The following ERO1A variants were observed in gnomAD, a reference collection of about 807,000 sequenced individuals.
ERO1A encodes endoplasmic reticulum oxidoreductase 1 alpha.
A neutral mutation model predicts 76.9 loss-of-function variants in ERO1A; 49 were observed. The ratio of observed to expected loss-of-function variants is 0.64; its 90% CI spans 0.51 to 0.81. The LOEUF (loss-of-function observed/expected upper bound fraction) is 0.81. Ranked by LOEUF, ERO1A falls within the 30% of genes least tolerant of loss-of-function variation. The pLI is 0.00. For synonymous variants in ERO1A, 174 were observed against 181.2 expected (o/e 0.96, Z 0.32); for missense variants, 448 against 542.1 (o/e 0.83, Z 1.72).
At chr14:52,683,188 G>C (rs1301583541) in intron 2 of ERO1A, among the ~76,000 whole-genome samples, 1 of 151,842 alleles carries the variant, frequency 6.6e-6, no homozygotes, top group Non-Finnish European at 1.5e-5. Flanking sequence ...CAGCCTGGGT[G>C]ACAAAGCAAG....
At chr14:52,673,829 C>CAGG (rs956518745) in intron 4 of ERO1A, among the ~76,000 whole-genome samples, 30 of 152,094 alleles carry the variant, frequency 2.0e-4, no homozygotes, top group African/African-American at 7.0e-4. Flanking sequence ...TCTCTACCTC[C>CAGG]AGGACTCAAG....
chr14:52,652,383 T>C, intron 12 of ERO1A, 75 bp from the exon 13 acceptor site: 1 of 958,284 alleles, frequency 1.0e-6, no homozygotes, highest in Non-Finnish European at 1.7e-6. Context: ...AACATTTTAC[T>C]GGTCATGATA....
Position 52,643,419 on chromosome 14 carries a change from G to GTGTT in ERO1A, c.*147_*150dup. 1 of 498,622 alleles carries GTGTT rather than the reference G, an allele frequency of 2.0e-6. No homozygotes were observed. Among genetic ancestry groups the GTGTT allele is most frequent in the South Asian group, 3.9e-5 (1 of 25,782 alleles). The allele number at this position is 498,622 out of a possible 1,614,324, so 30.9% of individuals were successfully genotyped here. A position where few individuals can be genotyped will look rare whatever the true frequency, so the allele number is the denominator to read the frequency against. On this transcript the variant is annotated 3_prime_UTR_variant, in exon 16 of 16. Coordinates refer to ENST00000395686, the MANE Select transcript of ERO1A (RefSeq NM_014584.3). ...TAGACTTAACACAATTTTTAAAAAT[G>GTGTT]TGTTTACTTAAAACAATATAATTCT...
chr14:52,676,432 G>T (rs1356477024), intron 4 of ERO1A, among the ~76,000 whole-genome samples: 1 of 152,132 alleles, frequency 6.6e-6, no homozygotes, highest in Non-Finnish European at 1.5e-5. Context: ...GTAATATTGT[G>T]GGTATGATAC....
chr14:52,686,074 T>C (rs1195485643), intron 1 of ERO1A, among the ~76,000 whole-genome samples: 1 of 152,110 alleles, frequency 6.6e-6, no homozygotes, highest in African/African-American at 2.4e-5. Context: ...TAGCCGGGCA[T>C]GGTGGCCCAT....
In ERO1A at chr14:52,661,343, T is replaced by G. The variant is rs891434759; in HGVS notation, c.677-39A>C. The G allele has an allele frequency of 6.1e-5, 86 of 1,419,742 alleles. 1 individual carries two copies. Among genetic ancestry groups the G allele is most frequent in the Non-Finnish European group, 8.1e-5 (86 of 1,067,850 alleles). The allele number at this position is 1,419,742 out of a possible 1,614,324, so 87.9% of individuals were successfully genotyped here. On this transcript the variant is annotated intron_variant, in intron 8 of 15. Transcript: ENST00000395686. ...CAAAATGTTTATTAAAATAAATTCC[T>G]TCCAGTGCCCCTTTTATAATGCTAC...
At chr14:52,664,939 C>T (rs2040358765) in intron 7 of ERO1A, among the ~76,000 whole-genome samples, 1 of 152,082 alleles carries the variant, frequency 6.6e-6, no homozygotes. Flanking sequence ...GATCCGCCCG[C>T]CTTGGCCTCC....
At chr14:52,650,304 GTATC>G (rs1002075233) in intron 13 of ERO1A, among the ~76,000 whole-genome samples, 5 of 150,624 alleles carry the variant, frequency 3.3e-5, no homozygotes, top group African/African-American at 4.9e-5. Flanking sequence ...ACCATATCTA[GTATC>G]TATCTATATC....
At chr14:52,651,981 A>G (rs1326335819) in intron 13 of ERO1A, among the ~76,000 whole-genome samples, 2 of 133,640 alleles carry the variant, frequency 1.5e-5, no homozygotes, top group African/African-American at 5.6e-5. Context: ...CCATCATTCT[A>G]CTCTCTACTT....
intron 1 of ERO1A, among the ~76,000 whole-genome samples, chr14:52,692,825 T>C (rs2041398274): frequency 6.6e-6 from 1 of 151,870 alleles, no homozygotes. Flanking sequence ...TTCTTTTCCC[T>C]CTCATGCTGT....
intron 9 of ERO1A, among the ~76,000 whole-genome samples, chr14:52,660,861 T>C (rs559139885): frequency 1.1e-4 from 16 of 152,306 alleles, no homozygotes; most frequent in African/African-American, 3.6e-4. Flanking sequence ...TAGTTAGACT[T>C]GGCAATGACA....
At chr14:52,681,602 C>CA (rs200478100) in intron 3 of ERO1A, among the ~76,000 whole-genome samples, 28 of 147,084 alleles carry the variant, frequency 1.9e-4, no homozygotes, top group East Asian at 1.4e-3. Flanking sequence ...GACATCATGT[C>CA]AAAAAAAAAG....
At chr14:52,679,185 C>A (rs1326079995) in intron 3 of ERO1A, among the ~76,000 whole-genome samples, 1 of 152,090 alleles carries the variant, frequency 6.6e-6, no homozygotes, top group Non-Finnish European at 1.5e-5. Flanking sequence ...AGCCTCTTTT[C>A]TTTATAAATT....
chr14:52,640,159 C>T lies in ERO1A; in HGVS notation c.*3411G>A, dbSNP rs1478911784. ...CCTTTTCCTGCCCTTAAGGAGCTCA[C>T]ATTCTAGTAAAGACTTTTGAAAAAT... On this transcript the variant is annotated 3_prime_UTR_variant, in exon 16 of 16. Coordinates refer to ENST00000395686, the MANE Select transcript of ERO1A (RefSeq NM_014584.3). The T allele has an allele frequency of 2.0e-5, 3 of 152,204 alleles. No individual in the cohort carries two copies. The highest frequency in any genetic ancestry group is 4.4e-5 in the Non-Finnish European group (3 of 68,038). The allele number at this position is 152,204 out of a possible 1,614,324, so 9.4% of individuals were successfully genotyped here.
chr14:52,684,313 C>G (rs1410812104), intron 1 of ERO1A, among the ~76,000 whole-genome samples: 1 of 152,034 alleles, frequency 6.6e-6, no homozygotes, highest in East Asian at 1.9e-4. Flanking sequence ...GTGGCTAGAC[C>G]AGTAAAACAA....
intron 1 of ERO1A, among the ~76,000 whole-genome samples, chr14:52,686,387 C>T (rs951702884): frequency 3.3e-5 from 5 of 152,154 alleles, no homozygotes; most frequent in African/African-American, 9.7e-5. Flanking sequence ...CAGAAACACA[C>T]ATAGCAAGTA....
intron 13 of ERO1A, among the ~76,000 whole-genome samples, chr14:52,648,359 T>C (rs2039741261): frequency 6.6e-6 from 1 of 152,076 alleles, no homozygotes; most frequent in Non-Finnish European, 1.5e-5. Flanking sequence ...TTAACAATAA[T>C]AACAGAGTAA....
chr14:52,666,485 G>A lies in ERO1A; in HGVS notation c.519C>T (p.Ser173=), dbSNP rs754659068. The part of the protein sequence containing the change: ...DNFCEADDIQ[S]PEAEYVDLLL... ...GCAAATCTACATATTCAGCTTCAGG[G>A]GACTGAATGTCTGTAAAATAAAATG... Residue 173 remains serine (S), a synonymous_variant, in exon 7 of 16, where the codon TCC becomes TCT. Transcript: ENST00000395686. The A allele has an allele frequency of 6.9e-6, 11 of 1,604,590 alleles. No individual in the cohort carries two copies. The highest frequency in any genetic ancestry group is 7.6e-6 in the Non-Finnish European group (9 of 1,177,250).
intron 9 of ERO1A, among the ~76,000 whole-genome samples, chr14:52,660,232 C>A (rs897635323): frequency 6.6e-6 from 1 of 152,200 alleles, no homozygotes; most frequent in Non-Finnish European, 1.5e-5. Flanking sequence ...TCAGGAATAA[C>A]CCTTTGATAT....
Sources: gnomAD v4.1 joint callset for allele counts (sites outside exome capture counted in the v4.1 genomes callset) on GRCh38, gnomAD v4.1.1 for gene constraint, MANE v1.5 for transcripts, NCBI Gene and HGNC (gene_info 2026-07-23, HGNC 2026-07-21) for gene names.